NPTN: variants seen among roughly 807,000 people sequenced by gnomAD.
The protein encoded by NPTN is SDR-1.
A neutral mutation model predicts 42.7 loss-of-function variants in NPTN; 5 were observed. That is an observed-to-expected ratio of 0.12 (90% CI 0.06 to 0.25). NPTN has a LOEUF of 0.25. Among genes scored for constraint, NPTN ranks in the 10% least tolerant of loss-of-function variants. The pLI is 1.00. For synonymous variants in NPTN, 180 were observed against 201.9 expected, an observed-to-expected ratio of 0.89 and a Z score of 0.92; for missense variants, 307 against 525.4, an observed-to-expected ratio of 0.58 and a Z score of 4.06.
intron 3 of NPTN, among the ~76,000 whole-genome samples, chr15:73,590,688 G>C (rs907652532): frequency 2.0e-5 from 3 of 152,078 alleles, no homozygotes; most frequent in Non-Finnish European, 4.4e-5. Context: ...CTTGAGCCCG[G>C]GAGGCAGAGG....
intron 1 of NPTN, among the ~76,000 whole-genome samples, chr15:73,622,828 G>T (rs980889211): frequency 1.3e-4 from 20 of 152,228 alleles, no homozygotes; most frequent in African/African-American, 4.6e-4. Flanking sequence ...TTCTTCCAGG[G>T]TTGCCATATT....
At chr15:73,603,210 G>C (rs1181989522) in intron 1 of NPTN, among the ~76,000 whole-genome samples, 1 of 152,168 alleles carries the variant, frequency 6.6e-6, no homozygotes. Flanking sequence ...AGATAACATA[G>C]CTTAAAACAG....
Position 73,569,073 on chromosome 15 carries a change from G to T in NPTN, c.1114+1077C>A. The T allele has an allele frequency of 1.0e-6, 1 of 985,846 alleles. No homozygotes were observed. The highest frequency in any genetic ancestry group is 1.2e-6 in the Non-Finnish European group (1 of 830,284). 61.1% of individuals were successfully genotyped at this position (985,846 alleles called of 1,614,324 possible). A position where few individuals can be genotyped will look rare whatever the true frequency, so the allele number is the denominator to read the frequency against. Reference sequence around the variant, plus strand: ...CACAAACACAGGCCCCAGAACAGCTGGACTACAGCTGGCAACCCCACCATC... The same window carrying T: ...CACAAACACAGGCCCCAGAACAGCTTGACTACAGCTGGCAACCCCACCATC... On this transcript the variant is annotated intron_variant, in intron 6 of 8. Transcript: ENST00000345330. The surrounding 1 kb of genome is among the most constrained non-coding windows in gnomAD (Gnocchi z 4.1).
At chr15:73,579,586 T>C (rs1192283254) in intron 4 of NPTN, among the ~76,000 whole-genome samples, 1 of 152,056 alleles carries the variant, frequency 6.6e-6, no homozygotes, top group East Asian at 1.9e-4. Context: ...AAAGTCACTA[T>C]TCTGAAAGGA....
At chr15:73,568,476 C>T in intron 6 of NPTN, 2 of 985,406 alleles carry the variant, frequency 2.0e-6, no homozygotes, top group Non-Finnish European at 2.4e-6. Flanking sequence ...ACTGATCCCA[C>T]AGAGCCAAAG....
intron 1 of NPTN, among the ~76,000 whole-genome samples, chr15:73,611,559 A>G (rs1033334723): frequency 6.6e-6 from 1 of 152,302 alleles, no homozygotes; most frequent in Middle Eastern, 3.4e-3. Context: ...AACTATAGAG[A>G]CAATAAAAAG....
chr15:73,575,829 C>A (rs2141368848), intron 4 of NPTN, among the ~76,000 whole-genome samples: 1 of 152,348 alleles, frequency 6.6e-6, no homozygotes, highest in Middle Eastern at 3.4e-3. Context: ...TGGGCAAGGC[C>A]CCAAGCTGTC....
chr15:73,591,177 T>TCA (rs1284736855), intron 3 of NPTN, among the ~76,000 whole-genome samples: 2 of 152,184 alleles, frequency 1.3e-5, no homozygotes, highest in Non-Finnish European at 2.9e-5. Context: ...TGAAAAGATC[T>TCA]CAATGCTGCA....
intron 1 of NPTN, among the ~76,000 whole-genome samples, chr15:73,620,834 C>T (rs774976296): frequency 3.9e-5 from 6 of 152,170 alleles, no homozygotes; most frequent in Non-Finnish European, 7.3e-5. Flanking sequence ...ACAACTGTAT[C>T]GGTCTGAATT....
intron 4 of NPTN, among the ~76,000 whole-genome samples, chr15:73,578,162 C>T (rs1895794360): frequency 6.6e-6 from 1 of 152,074 alleles, no homozygotes. Flanking sequence ...CCAGATTAGA[C>T]AGGACTTTGT....
intron 1 of NPTN, among the ~76,000 whole-genome samples, chr15:73,602,562 C>T (rs1566979076): frequency 6.6e-6 from 1 of 152,196 alleles, no homozygotes; most frequent in Non-Finnish European, 1.5e-5. Flanking sequence ...TGAGCCTACA[C>T]AAACTACTGT....
At chr15:73,585,299 G>T (rs1896263792) in intron 4 of NPTN, among the ~76,000 whole-genome samples, 1 of 152,116 alleles carries the variant, frequency 6.6e-6, no homozygotes, top group Admixed American at 6.5e-5. Flanking sequence ...CTATTACTCA[G>T]CAGATTTTTC....
At chr15:73,609,794 A>G (rs556082277) in intron 1 of NPTN, among the ~76,000 whole-genome samples, 17 of 152,192 alleles carry the variant, frequency 1.1e-4, no homozygotes, top group African/African-American at 3.6e-4. Context: ...ATAAGTATAT[A>G]TATTTATGGG....
At chr15:73,561,827 T>G in intron 8 of NPTN, 69 bp downstream of exon 8, 1 of 1,151,772 alleles carries the variant, frequency 8.7e-7, no homozygotes, top group Non-Finnish European at 1.3e-6. Flanking sequence ...GAAGAATTTG[T>G]AACAAGGTCA....
chr15:73,580,933 T>C lies in NPTN; in HGVS notation c.706+6591A>G, dbSNP rs115187083. ...ACGTCAAATACTCTGAGTTTTAGTA[T>C]TGTAAAATAAGAGTAATACTCACAT... On this transcript the variant is annotated intron_variant, in intron 4 of 8. Coordinates refer to ENST00000345330, the MANE Select transcript of NPTN (RefSeq NM_012428.4). Among the ~76,000 whole-genome samples, 949 of 152,198 alleles carry C rather than the reference T, an allele frequency of 6.2e-3. 8 individuals are homozygous for C. Among genetic ancestry groups the C allele is most frequent in the African/African-American group, 0.021 (883 of 41,494 alleles).
chr15:73,617,170 A>G (rs1897903018), intron 1 of NPTN, among the ~76,000 whole-genome samples: 1 of 152,238 alleles, frequency 6.6e-6, no homozygotes, highest in Non-Finnish European at 1.5e-5. Flanking sequence ...AAAGCATCAC[A>G]GTATGTAAAT....
At chr15:73,610,843 C>CT (rs1391730777) in intron 1 of NPTN, among the ~76,000 whole-genome samples, 1 of 152,140 alleles carries the variant, frequency 6.6e-6, no homozygotes, top group Non-Finnish European at 1.5e-5. Flanking sequence ...ACACAGGCAA[C>CT]TGAACAAGAG....
At chr15:73,583,730 A>G (rs1896175228) in intron 4 of NPTN, among the ~76,000 whole-genome samples, 1 of 152,210 alleles carries the variant, frequency 6.6e-6, no homozygotes, top group African/African-American at 2.4e-5. Flanking sequence ...CTTTGACATC[A>G]GTTCTCACCT....
At position 73,618,292 on chromosome 15, in the gene NPTN, G is replaced by C. The variant is rs1219170154; in HGVS notation, c.91+14833C>G. Among the ~76,000 whole-genome samples, 6 of 152,152 alleles carry C rather than the reference G, an allele frequency of 3.9e-5. No homozygotes were observed. In the East Asian group the frequency reaches 7.7e-4, roughly 20 times the overall value. ...AGTTAAAAAAAATATATGTTAGAAA[G>C]ATCTCTACCATACAAAGAAAGTCAT... On this transcript the variant is annotated intron_variant, in intron 1 of 8. Transcript: ENST00000345330.
Sources: allele counts gnomAD v4.1 joint callset (sites outside exome capture counted in the v4.1 genomes callset), GRCh38; gene constraint gnomAD v4.1.1; non-coding constraint Gnocchi (gnomAD v3.1); transcripts MANE v1.5; gene names NCBI Gene and HGNC (gene_info 2026-07-23, HGNC 2026-07-21).